KIAA1217: variants seen among roughly 807,000 people sequenced by gnomAD.
KIAA1217 encodes KIAA1217.
A neutral mutation model predicts 163.9 loss-of-function variants in KIAA1217; 88 were observed. That is an observed-to-expected ratio of 0.54 (90% CI 0.45 to 0.64). KIAA1217 has a LOEUF of 0.64. KIAA1217 is among the 30% of genes least tolerant of loss of function. The pLI is 0.00. For missense variants in KIAA1217, 2,372 were observed against 2,475.0 expected, an observed-to-expected ratio of 0.96 and a Z score of 0.88; for synonymous variants, 903 against 923.1, an observed-to-expected ratio of 0.98 and a Z score of 0.39.
intron 1 of KIAA1217, among the ~76,000 whole-genome samples, chr10:23,763,295 G>A (rs1380145981): frequency 2.0e-5 from 3 of 152,114 alleles, no homozygotes; most frequent in Non-Finnish European, 4.4e-5. Flanking sequence ...AGAAGATACT[G>A]TATAGACAAG....
At chr10:24,136,174 G>A (rs181798375) in intron 2 of KIAA1217, among the ~76,000 whole-genome samples, 4 of 152,158 alleles carry the variant, frequency 2.6e-5, no homozygotes, top group African/African-American at 7.2e-5. Context: ...ATTCGGCATC[G>A]GTACAAAGAA....
Position 24,546,425 on chromosome 10 carries a change from T to A in KIAA1217, c.*101T>A, listed in dbSNP as rs2075726237. ...GAGAATGTAACATATTGCTGTATCGTTTGAGGCTTAATGCTAAATATGTGC... is the reference window on the plus strand; with the variant it reads ...GAGAATGTAACATATTGCTGTATCGATTGAGGCTTAATGCTAAATATGTGC... On this transcript the variant is annotated 3_prime_UTR_variant, in exon 21 of 21. Coordinates refer to ENST00000376454, the MANE Select transcript of KIAA1217 (RefSeq NM_019590.5). 1 of 1,197,514 alleles carries A rather than the reference T, an allele frequency of 8.4e-7. No homozygotes were observed. Among genetic ancestry groups the A allele is most frequent in the Admixed American group, 2.8e-5 (1 of 35,240 alleles). The allele number at this position is 1,197,514 out of a possible 1,614,324, so 74.2% of individuals were successfully genotyped here.
chr10:24,033,505 A>G (rs1374273668), intron 2 of KIAA1217, among the ~76,000 whole-genome samples: 1 of 152,226 alleles, frequency 6.6e-6, no homozygotes, highest in African/African-American at 2.4e-5. Context: ...TTAAGTTAGA[A>G]TCAATATTGG....
chr10:24,321,308 C>T (rs2044122191), intron 2 of KIAA1217, among the ~76,000 whole-genome samples: 1 of 151,954 alleles, frequency 6.6e-6, no homozygotes, highest in Admixed American at 6.6e-5. Flanking sequence ...CTAAGGTGGG[C>T]ATAATGGATC....
chr10:24,044,216 C>T (rs1373813890), intron 2 of KIAA1217, among the ~76,000 whole-genome samples: 1 of 152,072 alleles, frequency 6.6e-6, no homozygotes, highest in Non-Finnish European at 1.5e-5. Flanking sequence ...TAATAGTTGG[C>T]AAATCGGACT....
chr10:24,184,116 C>T (rs2131958596), intron 2 of KIAA1217, among the ~76,000 whole-genome samples: 1 of 152,312 alleles, frequency 6.6e-6, no homozygotes, highest in Non-Finnish European at 1.5e-5. Flanking sequence ...AACACTTTAG[C>T]TTTCAACAGA....
intron 1 of KIAA1217, among the ~76,000 whole-genome samples, chr10:23,732,360 A>G (rs547876736): frequency 1.4e-4 from 22 of 152,274 alleles, no homozygotes; most frequent in Admixed American, 1.2e-3. Context: ...AAAACCCAAA[A>G]CAACAAAAAC....
At chr10:23,718,875 G>GAC (rs957709582) in intron 1 of KIAA1217, among the ~76,000 whole-genome samples, 2 of 151,572 alleles carry the variant, frequency 1.3e-5, no homozygotes, top group African/African-American at 4.9e-5. Flanking sequence ...AAGAGAGAGA[G>GAC]AGAGAGAGGA....
intron 2 of KIAA1217, among the ~76,000 whole-genome samples, chr10:24,188,906 C>A (rs1424747268): frequency 6.6e-6 from 1 of 151,972 alleles, no homozygotes; most frequent in Non-Finnish European, 1.5e-5. Flanking sequence ...GAGATCGAGA[C>A]CATCCTGGCT....
At chr10:24,100,989 C>A (rs2062391262) in intron 2 of KIAA1217, among the ~76,000 whole-genome samples, 1 of 152,208 alleles carries the variant, frequency 6.6e-6, no homozygotes, top group Admixed American at 6.5e-5. Flanking sequence ...TTTGTGGCCA[C>A]TTTGTGGCCC....
intron 1 of KIAA1217, among the ~76,000 whole-genome samples, chr10:24,215,128 T>C (rs922413182): frequency 3.3e-5 from 5 of 152,218 alleles, no homozygotes; most frequent in African/African-American, 9.6e-5. Context: ...GCCTGGGAGC[T>C]CCTTGGATTC....
chr10:24,168,810 C>T (rs867916724), intron 2 of KIAA1217, among the ~76,000 whole-genome samples: 2 of 152,336 alleles, frequency 1.3e-5, no homozygotes, highest in Middle Eastern at 6.8e-3. Flanking sequence ...AGCACTTTAC[C>T]TCTCACTTCC....
At chr10:24,539,052 A>G (rs2074584925) in intron 17 of KIAA1217, among the ~76,000 whole-genome samples, 2 of 151,578 alleles carry the variant, frequency 1.3e-5, no homozygotes, top group South Asian at 4.2e-4. Flanking sequence ...TGGTCTTTTC[A>G]GTATGTGGAA....
At chr10:24,419,618 G>A (rs1158877554) in intron 3 of KIAA1217, among the ~76,000 whole-genome samples, 3 of 152,126 alleles carry the variant, frequency 2.0e-5, no homozygotes, top group African/African-American at 7.2e-5. Context: ...CATAGCAAAT[G>A]CTATATAGGT....
chr10:23,801,735 AC>A (rs1249753806), intron 1 of KIAA1217, among the ~76,000 whole-genome samples: 22 of 152,176 alleles, frequency 1.4e-4, no homozygotes, highest in Admixed American at 9.2e-4. Flanking sequence ...AAGATTAGGA[AC>A]TCAAGACCTC....
At chr10:24,065,293 T>A (rs930501170) in intron 2 of KIAA1217, among the ~76,000 whole-genome samples, 2 of 152,220 alleles carry the variant, frequency 1.3e-5, no homozygotes, top group African/African-American at 4.8e-5. Flanking sequence ...GCTATAAATT[T>A]CCCTCTACAC....
rs369858220 is a variant in KIAA1217 at position 24,501,826 on chromosome 10, G to T, written c.2001+281G>T. 1.9e-4 allele frequency among the ~76,000 whole-genome samples: 24 copies of T among 127,580 alleles called. 1 individual carries two copies. The highest frequency in any genetic ancestry group is 1.8e-3 in the East Asian group (7 of 3,984). 83.7% of individuals were successfully genotyped at this position (127,580 alleles called of 152,430 possible). On this transcript the variant is annotated intron_variant, in intron 9 of 20. Transcript: ENST00000376454. ...TGCAGTGGCGCGATCTCGGCTCACT[G>T]CAAGCTCCGTCTCCCGGGTTCACGC...
chr10:24,174,849 GTGTTGT>G (rs557041494), intron 2 of KIAA1217, among the ~76,000 whole-genome samples: 8 of 151,850 alleles, frequency 5.3e-5, no homozygotes, highest in East Asian at 1.9e-4. Context: ...CCAACATGTA[GTGTTGT>G]TGTTGTTGTT....
At chr10:24,467,272 T>G (rs528685313) in intron 5 of KIAA1217, among the ~76,000 whole-genome samples, 127 of 152,344 alleles carry the variant, frequency 8.3e-4, no homozygotes, top group Middle Eastern at 6.8e-3. Flanking sequence ...CCGTGTGCAG[T>G]CTGTGGGCAG....
Sources: allele counts gnomAD v4.1 joint callset (sites outside exome capture counted in the v4.1 genomes callset), GRCh38; gene constraint gnomAD v4.1.1; transcripts MANE v1.5; gene names NCBI Gene and HGNC (gene_info 2026-07-23, HGNC 2026-07-21).